CASZ1: variants seen among roughly 807,000 people sequenced by gnomAD.
CASZ1 encodes the protein castor zinc finger 1.
Under a neutral mutation model 135.2 loss-of-function variants are expected in CASZ1, and 28 were observed. The observed-to-expected ratio is 0.21, with a 90% confidence interval of 0.15 to 0.28. The LOEUF (loss-of-function observed/expected upper bound fraction) is 0.28, where lower values mean the gene tolerates loss of function less well. Among genes scored for constraint, CASZ1 ranks in the 10% least tolerant of loss-of-function variants. The pLI is 1.00. For synonymous variants in CASZ1, 1,068 were observed against 1,073.4 expected (o/e 0.99, Z 0.10); for missense variants, 2,161 against 2,453.3 (o/e 0.88, Z 2.52).
chr1:10,762,946 C>G lies in CASZ1; in HGVS notation c.-233-2089G>C, dbSNP rs1640406566. Among the ~76,000 whole-genome samples the G allele has an allele frequency of 6.6e-6, 1 of 152,210 alleles. No homozygotes were observed. Among genetic ancestry groups the G allele is most frequent in the Non-Finnish European group, 1.5e-5 (1 of 68,028 alleles). ...CTTCCAGCGGAAAGTGGGGCCTGCC[C>G]AGGGCAGAGGATGCTTTTCAGCTTT... On this transcript the variant is annotated intron_variant, in intron 1 of 20. Transcript: ENST00000377022. This position sits in a 1 kb window ranked among gnomAD's most constrained non-coding sequence, Gnocchi z 4.1.
intron 1 of CASZ1, among the ~76,000 whole-genome samples, chr1:10,786,071 G>A (rs1640854262): frequency 6.6e-6 from 1 of 152,334 alleles, no homozygotes; most frequent in South Asian, 2.1e-4. Context: ...CCATCTGCGA[G>A]GCGCTCTCGT....
rs141628348 is a variant in CASZ1, at chr1:10,660,075, C to T, written c.967G>A (p.Glu323Lys). 39 of 1,614,166 alleles carry T rather than the reference C, an allele frequency of 2.4e-5. 1 individual carries two copies. The highest frequency in any genetic ancestry group is 5.5e-5 in the South Asian group (5 of 91,086). ...DFFIQKLKTGENLRPQNGSTY... is the reference protein window; with the variant it reads ...DFFIQKLKTGKNLRPQNGSTY... ...CTCCCGTTCTGGGGCCGCAGATTCT[C>T]GCCGGTCTTCAGTTTTTGGATGAAG... Residue 323 changes from glutamate (E) to lysine (K), a missense_variant, in exon 6 of 21, where the codon GAG becomes AAG. By Grantham distance (56) the Glu-to-Lys change is moderately conservative. Coordinates refer to ENST00000377022, the MANE Select transcript of CASZ1 (RefSeq NM_001079843.3).
In CASZ1 at chr1:10,676,493, G is replaced by T. The variant is rs759552804; in HGVS notation, c.17-10922C>A. ...GACAAAGAAGACACCAAGAGCCCCC[G>T]GGGAGGCCTCTCCACCATCCTCTGA... On this transcript the variant is annotated intron_variant, in intron 4 of 20. Coordinates refer to ENST00000377022, the MANE Select transcript of CASZ1 (RefSeq NM_001079843.3). The surrounding 1 kb of genome is among the most constrained non-coding windows in gnomAD (Gnocchi z 4.5). Among the ~76,000 whole-genome samples, 1 of 151,924 alleles carries T rather than the reference G, an allele frequency of 6.6e-6. No homozygotes were observed.
intron 4 of CASZ1, among the ~76,000 whole-genome samples, chr1:10,678,610 C>T (rs1264207899): frequency 1.3e-5 from 2 of 151,968 alleles, no homozygotes; most frequent in African/African-American, 4.8e-5. Flanking sequence ...CAGGGGCCGT[C>T]AGGTAAATTA....
chr1:10,694,933 G>A lies in CASZ1; in HGVS notation c.-23-1021C>T, dbSNP rs1638895398. ...CTCGCATGCTGCCAGCGGCCGCTCG[G>A]GCCCCGCGAGCGCGACCGACGGCCG... is the stretch of plus-strand genomic sequence containing the variant. On this transcript the variant is annotated intron_variant, in intron 3 of 20. Coordinates refer to ENST00000377022, the MANE Select transcript of CASZ1 (RefSeq NM_001079843.3). This position sits in a 1 kb window ranked among gnomAD's most constrained non-coding sequence, Gnocchi z 6.6. 7.0e-6 allele frequency among the ~76,000 whole-genome samples: 1 copy of A among 143,654 alleles called. No individual in the cohort carries two copies. 94.2% of individuals were successfully genotyped at this position (143,654 alleles called of 152,430 possible).
chr1:10,648,262 CTCCAGA>C, intron 15 of CASZ1, 123 bp from the exon 16 acceptor site: 2 of 698,696 alleles, frequency 2.9e-6, no homozygotes, highest in Non-Finnish European at 4.6e-6. Context: ...CATCACTCAG[CTCCAGA>C]AGTCCCCTGT....
chr1:10,789,007 A>G lies in CASZ1; in HGVS notation c.-234+7557T>C, dbSNP rs535684567. 3.3e-5 allele frequency among the ~76,000 whole-genome samples: 5 copies of G among 152,242 alleles called. No individual in the cohort carries two copies. The South Asian group carries it at 1.0e-3, about 32-fold the overall frequency. On this transcript the variant is annotated intron_variant, in intron 1 of 20. Coordinates refer to ENST00000377022, the MANE Select transcript of CASZ1 (RefSeq NM_001079843.3). Reference sequence around the variant, plus strand: ...ACAGTGGCCACTGCAGGGGAGCCCAAGGGGACAGTAAGGGGGAGCGTGGGG... The same window carrying G: ...ACAGTGGCCACTGCAGGGGAGCCCAGGGGGACAGTAAGGGGGAGCGTGGGG...
chr1:10,785,830 C>T (rs187554203), intron 1 of CASZ1, among the ~76,000 whole-genome samples: 4 of 152,386 alleles, frequency 2.6e-5, no homozygotes, highest in African/African-American at 9.6e-5. Context: ...TGCTCACTAG[C>T]AGTGTGCGTT....
intron 1 of CASZ1, among the ~76,000 whole-genome samples, chr1:10,773,891 C>T (rs185274900): frequency 3.9e-4 from 60 of 152,344 alleles, no homozygotes; most frequent in African/African-American, 1.3e-3. Context: ...GTGGGAGCAG[C>T]CCTGTCGCTG....
rs182881466 is a variant in CASZ1, at chr1:10,720,298, G to A, written c.-76-14754C>T. ...AAAATGTGGTGCCAGTCATCATTGT[G>A]ATCATTGTCATCATCATCGCCATCG... On this transcript the variant is annotated intron_variant, in intron 2 of 20. Transcript: ENST00000377022. This position sits in a 1 kb window ranked among gnomAD's most constrained non-coding sequence, Gnocchi z 5.7. Among the ~76,000 whole-genome samples, 9 of 152,364 alleles carry A rather than the reference G, an allele frequency of 5.9e-5. No homozygotes were observed. In the East Asian group the frequency reaches 1.7e-3, roughly 29 times the overall value.
intron 4 of CASZ1, among the ~76,000 whole-genome samples, chr1:10,667,126 C>T (rs1359807271): frequency 6.6e-6 from 1 of 152,236 alleles, no homozygotes; most frequent in Non-Finnish European, 1.5e-5. Context: ...GAGAGGCCTA[C>T]CCAGGCGGGA....
intron 2 of CASZ1, among the ~76,000 whole-genome samples, chr1:10,723,553 C>T (rs1274399755): frequency 1.3e-5 from 2 of 152,204 alleles, no homozygotes; most frequent in Admixed American, 1.3e-4. Flanking sequence ...AGCACATGCC[C>T]TGTTGGACAC....
At chr1:10,693,942 G>C in intron 3 of CASZ1, 30 bp from the exon 4 acceptor site, 3 of 1,607,466 alleles carry the variant, frequency 1.9e-6, no homozygotes, top group Non-Finnish European at 2.6e-6. Flanking sequence ...GGGAAGACCG[G>C]GAGAGAAGAA....
At position 10,676,009 on chromosome 1, in the gene CASZ1, C is replaced by G. The variant is rs1459322648; in HGVS notation, c.17-10438G>C. On this transcript the variant is annotated intron_variant, in intron 4 of 20. Coordinates refer to ENST00000377022, the MANE Select transcript of CASZ1 (RefSeq NM_001079843.3). This position sits in a 1 kb window ranked among gnomAD's most constrained non-coding sequence, Gnocchi z 4.5. ...TCCCAGGGGCTCAGACACCTGCCTGCCAGGGATGGCAGAGACAGTCAGGAT... is the reference window on the plus strand; with the variant it reads ...TCCCAGGGGCTCAGACACCTGCCTGGCAGGGATGGCAGAGACAGTCAGGAT... Among the ~76,000 whole-genome samples, 1 of 152,202 alleles carries G rather than the reference C, an allele frequency of 6.6e-6. No homozygotes were observed. Among genetic ancestry groups the G allele is most frequent in the African/African-American group, 2.4e-5 (1 of 41,458 alleles).
intron 1 of CASZ1, among the ~76,000 whole-genome samples, chr1:10,782,962 C>A (rs1640788859): frequency 1.3e-5 from 2 of 152,280 alleles, no homozygotes; most frequent in South Asian, 4.1e-4. Flanking sequence ...CTACCCACTG[C>A]CAAATTCTCA....
intron 1 of CASZ1, among the ~76,000 whole-genome samples, chr1:10,782,319 G>C (rs1159287653): frequency 6.6e-5 from 10 of 152,352 alleles, no homozygotes; most frequent in African/African-American, 1.7e-4. Flanking sequence ...TGTGGACACT[G>C]TGGAATGGAG....
At position 10,727,065 on chromosome 1, in the gene CASZ1, G is replaced by C. The variant is rs1639610860; in HGVS notation, c.-76-21521C>G. The stretch of plus-strand genomic sequence containing the variant: ...AGAGAACACAGCCTGTGAGTGAGGA[G>C]GACTGAAACGAAGGCAGAGGGGGAG... On this transcript the variant is annotated intron_variant, in intron 2 of 20. Transcript: ENST00000377022. This position sits in a 1 kb window ranked among gnomAD's most constrained non-coding sequence, Gnocchi z 5.3. Among the ~76,000 whole-genome samples, 2 of 152,116 alleles carry C rather than the reference G, an allele frequency of 1.3e-5. No individual in the cohort carries two copies. Among genetic ancestry groups the C allele is most frequent in the Admixed American group, 6.6e-5 (1 of 15,266 alleles).
Position 10,665,246 on chromosome 1 carries a change from C to G in CASZ1, c.342G>C (p.Leu114=). The change falls in exon 5 of 21, where the codon CTG becomes CTC. Residue 114 remains leucine (L), a synonymous_variant. Transcript: ENST00000377022. The part of the protein sequence containing the change: ...PVLGRIAREG[L]ELPPEGVYMV... ...TGTAGACACCCTCGGGAGGCAGCTCCAGGCCCTCGCGGGCAATCCGCCCCA... is the reference window on the plus strand; with the variant it reads ...TGTAGACACCCTCGGGAGGCAGCTCGAGGCCCTCGCGGGCAATCCGCCCCA... 1 of 1,604,868 alleles carries G rather than the reference C, an allele frequency of 6.2e-7. No homozygotes were observed. The highest frequency in any genetic ancestry group is 1.1e-5 in the South Asian group (1 of 89,604).
rs78140241 is a variant in CASZ1, at chr1:10,748,259, A to G, written c.-77+12442T>C. ...GGGTGGCAGGCCGAGCCCTGTGTGT[A>G]TACCATGTTCTTCACCTATCCTGGG... is the stretch of plus-strand genomic sequence containing the variant. On this transcript the variant is annotated intron_variant, in intron 2 of 20. Transcript: ENST00000377022. Among the ~76,000 whole-genome samples the G allele has an allele frequency of 1.1e-3, 172 of 152,222 alleles. 3 individuals carry two copies. In the East Asian group the frequency reaches 0.03, roughly 27 times the overall value.
Sources: gnomAD v4.1 joint callset for allele counts (sites outside exome capture counted in the v4.1 genomes callset) on GRCh38, gnomAD v4.1.1 for gene constraint, Gnocchi (gnomAD v3.1) non-coding constraint, MANE v1.5 for transcripts, NCBI Gene and HGNC (gene_info 2026-07-23, HGNC 2026-07-21) for gene names.